Variants in WDPCP observed in about 807,000 individuals in gnomAD.
WDPCP encodes WD repeat containing planar cell polarity effector.
A neutral mutation model predicts 93.1 loss-of-function variants in WDPCP; 71 were observed. That is an observed-to-expected ratio of 0.76 (90% CI 0.63 to 0.93). WDPCP has a LOEUF of 0.93. Ranked by LOEUF, WDPCP falls within the 40% of genes least tolerant of loss-of-function variation. The probability of loss-of-function intolerance (pLI) is 0.00; values close to 1 mark genes in which losing one functional copy is unlikely to be tolerated. For synonymous variants in WDPCP, 315 were observed against 315.0 expected, an observed-to-expected ratio of 1.00 and a Z score of 0.00; for missense variants, 844 against 887.4, an observed-to-expected ratio of 0.95 and a Z score of 0.62.
chr2:63,667,395 G>A (rs1044861394), intron 2 of WDPCP, among the ~76,000 whole-genome samples: 2 of 152,148 alleles, frequency 1.3e-5, no homozygotes, highest in African/African-American at 4.8e-5. Context: ...ACCTGAACAA[G>A]CAATCCAGTG....
chr2:63,525,471 G>C (rs1703265009), intron 1 of WDPCP, among the ~76,000 whole-genome samples: 2 of 152,262 alleles, frequency 1.3e-5, no homozygotes, highest in South Asian at 4.1e-4. Context: ...ATAGTGATCT[G>C]TTCTTATTTT....
chr2:63,701,850 G>A (rs1272717760), intron 2 of WDPCP, among the ~76,000 whole-genome samples: 1 of 152,178 alleles, frequency 6.6e-6, no homozygotes, highest in East Asian at 1.9e-4. Context: ...GCACCAGAAA[G>A]GGTGGGGTGA....
At chr2:63,619,242 T>A (rs1321336068) in intron 3 of WDPCP, among the ~76,000 whole-genome samples, 2 of 152,196 alleles carry the variant, frequency 1.3e-5, no homozygotes, top group Non-Finnish European at 2.9e-5. Context: ...TATCAGTATG[T>A]TGGGTCATGG....
At chr2:63,813,842 A>G (rs1670892731) in intron 1 of WDPCP, 1 of 152,230 alleles carries the variant, frequency 6.6e-6, no homozygotes, top group South Asian at 2.1e-4. Flanking sequence ...TATCATAGAT[A>G]CGTTTGCAGA....
chr2:63,296,230 G>A (rs1684845775), intron 13 of WDPCP, among the ~76,000 whole-genome samples: 1 of 145,094 alleles, frequency 6.9e-6, no homozygotes, highest in Non-Finnish European at 1.5e-5. Context: ...AAAAGCATTT[G>A]ATAAAATCCA....
chr2:63,582,482 A>G (rs996517034), intron 1 of WDPCP, among the ~76,000 whole-genome samples: 1 of 152,184 alleles, frequency 6.6e-6, no homozygotes, highest in African/African-American at 2.4e-5. Context: ...AGAATCGAAG[A>G]GCACACAGAA....
At chr2:63,745,654 AC>A (rs1669783957) in intron 2 of WDPCP, among the ~76,000 whole-genome samples, 2 of 152,004 alleles carry the variant, frequency 1.3e-5, no homozygotes. Context: ...ACACACACAC[AC>A]ACACACACAC....
At chr2:63,832,099 T>C (rs1314551414), upstream of WDPCP, among the ~76,000 whole-genome samples, 2 of 152,232 alleles carry the variant, frequency 1.3e-5, no homozygotes, top group East Asian at 1.9e-4. Context: ...TCTACTAGTC[T>C]TACCTAGTTC....
intron 10 of WDPCP, among the ~76,000 whole-genome samples, chr2:63,383,512 C>T (rs969458839): frequency 1.3e-5 from 2 of 152,016 alleles, no homozygotes; most frequent in East Asian, 1.9e-4. Context: ...GTCAGGAGTT[C>T]GAGACAGGCA....
intron 2 of WDPCP, among the ~76,000 whole-genome samples, chr2:63,694,243 A>C (rs1668933338): frequency 6.6e-6 from 1 of 152,212 alleles, no homozygotes; most frequent in Non-Finnish European, 1.5e-5. Context: ...GAAGTGATTC[A>C]ATCAAAAATA....
intron 2 of WDPCP, among the ~76,000 whole-genome samples, chr2:63,772,632 G>A (rs1420312426): frequency 6.6e-6 from 1 of 151,946 alleles, no homozygotes; most frequent in Admixed American, 6.6e-5. Context: ...TTGCTTTAAT[G>A]TTTGATTATC....
intron 3 of WDPCP, among the ~76,000 whole-genome samples, chr2:63,649,791 G>A (rs1710088900): frequency 6.6e-6 from 1 of 152,320 alleles, no homozygotes; most frequent in South Asian, 2.1e-4. Context: ...GTGGGGAGGG[G>A]TCTGGAGTAG....
At chr2:63,340,136 T>G (rs1688732371) in intron 12 of WDPCP, among the ~76,000 whole-genome samples, 1 of 152,152 alleles carries the variant, frequency 6.6e-6, no homozygotes, top group Non-Finnish European at 1.5e-5. Flanking sequence ...GCTTGTTTTG[T>G]TTTTTATTGA....
chr2:63,464,647 T>C (rs577171836), intron 6 of WDPCP, among the ~76,000 whole-genome samples: 2 of 151,736 alleles, frequency 1.3e-5, no homozygotes, highest in Non-Finnish European at 2.9e-5. Flanking sequence ...TGTCCACTTA[T>C]GGATGAATGG....
chr2:63,644,746 T>C (rs190514858), intron 3 of WDPCP, among the ~76,000 whole-genome samples: 1 of 152,318 alleles, frequency 6.6e-6, no homozygotes, highest in East Asian at 1.9e-4. Context: ...GTATGTGGTA[T>C]GCATCTAGAA....
At chr2:63,820,725 G>C (rs1558918947) in intron 1 of WDPCP, among the ~76,000 whole-genome samples, 1 of 151,760 alleles carries the variant, frequency 6.6e-6, no homozygotes. Context: ...TGGTTTTTTG[G>C]GGACAAACTT....
At chr2:63,546,032 C>G (rs1256882007) in intron 1 of WDPCP, among the ~76,000 whole-genome samples, 2 of 152,062 alleles carry the variant, frequency 1.3e-5, no homozygotes. Flanking sequence ...AGCCATACCT[C>G]TCAGGATCCT....
chr2:63,520,896 CAAAA>C (rs3051721), intron 1 of WDPCP, among the ~76,000 whole-genome samples: 27 of 99,744 alleles, frequency 2.7e-4, no homozygotes, highest in Non-Finnish European at 2.1e-4. Flanking sequence ...GACCCTATCT[CAAAA>C]AAAAAAAAAA....
At chr2:63,609,201 T>C (rs1478478875) in intron 3 of WDPCP, among the ~76,000 whole-genome samples, 8 of 152,106 alleles carry the variant, frequency 5.3e-5, no homozygotes, top group Non-Finnish European at 7.4e-5. Context: ...ACCCTGTCAC[T>C]ACTAAAAATA....
Sources: allele counts gnomAD v4.1 joint callset (sites outside exome capture counted in the v4.1 genomes callset), GRCh38; gene constraint gnomAD v4.1.1; transcripts MANE v1.5; gene names NCBI Gene and HGNC (gene_info 2026-07-23, HGNC 2026-07-21).